KCNQ3: variants seen among roughly 807,000 people sequenced by gnomAD.
The protein encoded by KCNQ3 is potassium voltage-gated channel subfamily KQT member 3.
A neutral mutation model predicts 92.5 loss-of-function variants in KCNQ3; 30 were observed. The ratio of observed to expected loss-of-function variants is 0.32; its 90% confidence interval spans 0.24 to 0.44. KCNQ3 has a LOEUF of 0.44. Among genes scored for constraint, KCNQ3 ranks in the 20% least tolerant of loss-of-function variants. The pLI, the probability that KCNQ3 is intolerant of heterozygous loss-of-function variation, is 1.00. For missense variants in KCNQ3, 913 were observed against 1,140.3 expected, an observed-to-expected ratio of 0.80 and a Z score of 2.87; for synonymous variants, 450 against 468.8, an observed-to-expected ratio of 0.96 and a Z score of 0.52.
intron 1 of KCNQ3, among the ~76,000 whole-genome samples, chr8:132,437,337 G>A (rs1821423738): frequency 1.3e-5 from 2 of 151,990 alleles, no homozygotes; most frequent in African/African-American, 4.8e-5. Context: ...GTGGTGTAGG[G>A]GACAGGCCTA....
At chr8:132,274,774 G>A (rs1229945335) in intron 1 of KCNQ3, among the ~76,000 whole-genome samples, 52 of 152,182 alleles carry the variant, frequency 3.4e-4, no homozygotes, top group Admixed American at 3.4e-3. Context: ...GTGCTGGGAA[G>A]TGGGCAGCTA....
At chr8:132,285,458 A>C (rs1204251446) in intron 1 of KCNQ3, among the ~76,000 whole-genome samples, 1 of 152,248 alleles carries the variant, frequency 6.6e-6, no homozygotes, top group Non-Finnish European at 1.5e-5. Flanking sequence ...GCTTTGTAGA[A>C]GGCCAAACTT....
chr8:132,164,729 G>A (rs1004657528), intron 8 of KCNQ3, among the ~76,000 whole-genome samples: 1 of 152,176 alleles, frequency 6.6e-6, no homozygotes, highest in Non-Finnish European at 1.5e-5. Flanking sequence ...CAGCTGAAGA[G>A]CATATTGGAA....
At chr8:132,174,167 A>G (rs1394320343) in intron 6 of KCNQ3, 72 bp downstream of exon 6, 9 of 1,049,244 alleles carry the variant, frequency 8.6e-6, no homozygotes, top group Non-Finnish European at 1.2e-5. Flanking sequence ...GACACTGGAA[A>G]GTTGAGCTGG....
At chr8:132,157,293 A>G (rs973188061) in intron 9 of KCNQ3, among the ~76,000 whole-genome samples, 2 of 152,156 alleles carry the variant, frequency 1.3e-5, no homozygotes, top group South Asian at 2.1e-4. Flanking sequence ...CATGAACCAT[A>G]AGGAGGACCA....
At chr8:132,340,517 A>C (rs796139623) in intron 1 of KCNQ3, among the ~76,000 whole-genome samples, 15 of 152,286 alleles carry the variant, frequency 9.8e-5, no homozygotes, top group African/African-American at 3.6e-4. Context: ...AAGAACAGAA[A>C]ACCAAACACC....
intron 1 of KCNQ3, among the ~76,000 whole-genome samples, chr8:132,218,601 C>T (rs1173236327): frequency 6.6e-6 from 1 of 152,264 alleles, no homozygotes; most frequent in Non-Finnish European, 1.5e-5. Flanking sequence ...CCCCATTTTA[C>T]AGGTGAGAAA....
At position 132,141,221 on chromosome 8, in the gene KCNQ3, G is replaced by A; in HGVS notation, c.1373C>T (p.Ser458Phe). ...TAAGCCAACAGGCTTTGGTTCTTTA[G>A]AAGGACTTTCTTCTATGGCATCTAC... ...LNVDAIEESP[S>F]KEPKPVGLNN... Residue 458 changes from serine (S) to phenylalanine (F), a missense_variant, in exon 10 of 15, where the codon TCT becomes TTT. Physicochemically the swap from Ser to Phe is radical, Grantham distance 155 (BLOSUM62 -2). Transcript: ENST00000388996. 1 of 1,614,186 alleles carries A rather than the reference G, an allele frequency of 6.2e-7. No individual in the cohort carries two copies. The highest frequency in any genetic ancestry group is 8.5e-7 in the Non-Finnish European group (1 of 1,180,008).
chr8:132,312,482 G>C (rs1191868828), intron 1 of KCNQ3, among the ~76,000 whole-genome samples: 1 of 151,942 alleles, frequency 6.6e-6, no homozygotes, highest in Non-Finnish European at 1.5e-5. Context: ...AACAATATGG[G>C]GGGCTTCAAG....
intron 1 of KCNQ3, among the ~76,000 whole-genome samples, chr8:132,366,471 T>C (rs1238238170): frequency 6.6e-6 from 1 of 152,188 alleles, no homozygotes; most frequent in Non-Finnish European, 1.5e-5. Context: ...CTAGTACCTC[T>C]AGTTCAATTT....
chr8:132,296,873 A>T (rs1302858748), intron 1 of KCNQ3, among the ~76,000 whole-genome samples: 1 of 152,064 alleles, frequency 6.6e-6, no homozygotes, highest in Non-Finnish European at 1.5e-5. Flanking sequence ...TCTTTATAGC[A>T]GCATGATTTA....
chr8:132,337,887 G>T (rs1018454840), intron 1 of KCNQ3, among the ~76,000 whole-genome samples: 8 of 152,162 alleles, frequency 5.3e-5, no homozygotes, highest in African/African-American at 1.9e-4. Context: ...AATGAGCTTT[G>T]CAAACCACTT....
At chr8:132,157,651 A>C (rs1186790326) in intron 9 of KCNQ3, among the ~76,000 whole-genome samples, 2 of 151,914 alleles carry the variant, frequency 1.3e-5, no homozygotes, top group Non-Finnish European at 2.9e-5. Flanking sequence ...GTTTTATTTT[A>C]TTTTATTTTT....
At chr8:132,337,587 G>T (rs1453397125) in intron 1 of KCNQ3, among the ~76,000 whole-genome samples, 2 of 152,124 alleles carry the variant, frequency 1.3e-5, no homozygotes, top group Non-Finnish European at 2.9e-5. Flanking sequence ...AGAAGGGCTG[G>T]TACCAACAGG....
At chr8:132,231,189 C>T (rs1814635660) in intron 1 of KCNQ3, among the ~76,000 whole-genome samples, 1 of 152,236 alleles carries the variant, frequency 6.6e-6, no homozygotes, top group South Asian at 2.1e-4. Flanking sequence ...TCAGAGAAAG[C>T]ATGACCCTGT....
intron 1 of KCNQ3, among the ~76,000 whole-genome samples, chr8:132,312,617 G>A (rs923781473): frequency 6.6e-6 from 1 of 152,184 alleles, no homozygotes; most frequent in South Asian, 2.1e-4. Context: ...CATGTGTCAA[G>A]GGAGAGACCT....
At chr8:132,460,255 A>G (rs1182353527) in intron 1 of KCNQ3, among the ~76,000 whole-genome samples, 1 of 152,200 alleles carries the variant, frequency 6.6e-6, no homozygotes, top group African/African-American at 2.4e-5. Flanking sequence ...AGGCTCAATG[A>G]GCTGACAGCG....
intron 8 of KCNQ3, among the ~76,000 whole-genome samples, chr8:132,168,924 A>C (rs1335927568): frequency 6.6e-6 from 1 of 151,942 alleles, no homozygotes; most frequent in African/African-American, 2.4e-5. Context: ...CTAACTGTCC[A>C]TCTATGTTTC....
intron 1 of KCNQ3, among the ~76,000 whole-genome samples, chr8:132,456,742 G>T (rs927072361): frequency 6.6e-6 from 1 of 151,836 alleles, no homozygotes; most frequent in African/African-American, 2.4e-5. Flanking sequence ...CTCCTCAGTA[G>T]CTGGGACTAC....
Sources: allele counts gnomAD v4.1 joint callset (sites outside exome capture counted in the v4.1 genomes callset), GRCh38; gene constraint gnomAD v4.1.1; transcripts MANE v1.5; gene names NCBI Gene and HGNC (gene_info 2026-07-23, HGNC 2026-07-21).